The following PHACTR2 variants were observed in gnomAD, a reference collection of about 807,000 sequenced individuals.
PHACTR2 encodes phosphatase and actin regulator 2, also known as chromosome 6 open reading frame 56.
In PHACTR2, 30 loss-of-function variants were observed where a neutral mutation model predicts 76.0. That is an observed-to-expected ratio of 0.39 (90% confidence interval 0.30 to 0.54). The LOEUF is 0.54. Among genes scored for constraint, PHACTR2 ranks in the 20% least tolerant of loss-of-function variants. PHACTR2 has a pLI of 0.61. For missense variants in PHACTR2, 696 were observed against 781.1 expected (o/e 0.89, Z 1.30); for synonymous variants, 292 against 292.5 (o/e 1.00, Z 0.02).
intron 11 of PHACTR2, among the ~76,000 whole-genome samples, chr6:143,792,391 G>T (rs1314371016): frequency 1.3e-5 from 2 of 151,994 alleles, no homozygotes; most frequent in Non-Finnish European, 2.9e-5. Context: ...TGAACTTGGT[G>T]CAAGGTTTCT....
At position 143,751,897 on chromosome 6, in the gene PHACTR2, A is replaced by C. The variant is rs191122352; in HGVS notation, c.296-1857A>C. 6.6e-6 allele frequency among the ~76,000 whole-genome samples: 1 copy of C among 152,122 alleles called. No individual in the cohort carries two copies. The highest frequency in any genetic ancestry group is 2.4e-5 in the African/African-American group (1 of 41,430). On this transcript the variant is annotated intron_variant, in intron 3 of 12. Coordinates refer to ENST00000440869, the MANE Select transcript of PHACTR2 (RefSeq NM_001100164.2). This position sits in a 1 kb window ranked among gnomAD's most constrained non-coding sequence, Gnocchi z 5.7. ...CACTCAATACTAGAAAGCCTTTTCA[A>C]TATACACACCAGCTAATTAATAACT...
rs2128457496 is a variant in PHACTR2, at chr6:143,697,223, G to A, written c.47-14793G>A. On this transcript the variant is annotated intron_variant, in intron 1 of 12. Transcript: ENST00000440869. This position sits in a 1 kb window ranked among gnomAD's most constrained non-coding sequence, Gnocchi z 4.4. Reference sequence around the variant, plus strand: ...TCGTGTGTGATGCCTAAAGAGAATGGAAAAAACAAAAGCAGTTTGGATTTA... The same window carrying A: ...TCGTGTGTGATGCCTAAAGAGAATGAAAAAAACAAAAGCAGTTTGGATTTA... 6.6e-6 allele frequency among the ~76,000 whole-genome samples: 1 copy of A among 152,188 alleles called. No individual in the cohort carries two copies. The highest frequency in any genetic ancestry group is 1.9e-4 in the East Asian group (1 of 5,178).
chr6:143,593,941 G>T (rs1386473860), intron 1 of PHACTR2, among the ~76,000 whole-genome samples: 1 of 152,212 alleles, frequency 6.6e-6, no homozygotes, highest in East Asian at 1.9e-4. Flanking sequence ...TACTGTGGAT[G>T]TAAGGCTGTA....
rs1280992474 is a variant in PHACTR2 at position 143,771,206 on chromosome 6, A to ATG, written c.1233-1051_1233-1050insGT. On this transcript the variant is annotated intron_variant, in intron 6 of 12. Transcript: ENST00000440869. ...TATATATATGTGTGTATATATATAT[A>ATG]TATATATATATATATATATATATAT... Among the ~76,000 whole-genome samples the ATG allele has an allele frequency of 4.5e-4, 35 of 77,126 alleles. No individual in the cohort carries two copies. The East Asian group carries it at 0.012, about 26-fold the overall frequency. 50.6% of individuals were successfully genotyped at this position (77,126 alleles called of 152,430 possible).
intron 1 of PHACTR2, among the ~76,000 whole-genome samples, chr6:143,668,458 C>T (rs1304048087): frequency 2.0e-5 from 3 of 152,158 alleles, no homozygotes; most frequent in South Asian, 2.1e-4. Flanking sequence ...GGTACCAGCT[C>T]CTCTCTGTAC....
At position 143,826,080 on chromosome 6, in the gene PHACTR2, G is replaced by A. The variant is rs922207666; in HGVS notation, c.*2391G>A. 6.6e-6 allele frequency: 1 copy of A among 151,940 alleles called. No individual in the cohort carries two copies. Among genetic ancestry groups the A allele is most frequent in the Non-Finnish European group, 1.5e-5 (1 of 67,996 alleles). The allele number at this position is 151,940 out of a possible 1,614,324, so 9.4% of individuals were successfully genotyped here. A position where few individuals can be genotyped will look rare whatever the true frequency, so the allele number is the denominator to read the frequency against. ...TAAAAAAAAAAAAAAATTAGCCACT[G>A]CTAGTCTACTGTTTAGGTAATCGGA... On this transcript the variant is annotated 3_prime_UTR_variant, in exon 13 of 13. Transcript: ENST00000440869.
rs968029543 is a variant in PHACTR2, at chr6:143,583,361, A to G, written c.217+46154A>G. Among the ~76,000 whole-genome samples the G allele has an allele frequency of 5.9e-5, 9 of 152,376 alleles. No homozygotes were observed. The highest frequency in any genetic ancestry group is 2.2e-4 in the African/African-American group (9 of 41,580). On this transcript the variant is annotated intron_variant, in intron 1 of 11. Transcript: ENST00000367584. This position sits in a 1 kb window ranked among gnomAD's most constrained non-coding sequence, Gnocchi z 4.0. ...CAGATTGTTGCCCAGAACCGTTTAC[A>G]ATGACAATATGATCCCTTTCTCACT...
chr6:143,668,244 A>G (rs1401711298), intron 1 of PHACTR2, among the ~76,000 whole-genome samples: 1 of 152,156 alleles, frequency 6.6e-6, no homozygotes, highest in Admixed American at 6.5e-5. Flanking sequence ...CGTTGTGGAT[A>G]AGATTTTTGA....
upstream of PHACTR2, among the ~76,000 whole-genome samples, chr6:143,674,061 G>A (rs1777200470): frequency 6.6e-6 from 1 of 152,194 alleles, no homozygotes. This position sits in a 1 kb window ranked among gnomAD's most constrained non-coding sequence, Gnocchi z 4.9. Context: ...TCCTTTATCT[G>A]TTAGCATTAT....
At chr6:143,643,255 G>T (rs12196139) in intron 1 of PHACTR2, among the ~76,000 whole-genome samples, 42,846 of 151,924 alleles carry the variant, frequency 0.28, 6,084 homozygotes, top group Middle Eastern at 0.38. Flanking sequence ...CTTCAGAAGT[G>T]TTTTGATATA....
chr6:143,680,304 C>G lies in PHACTR2; in HGVS notation c.46+2095C>G, dbSNP rs986457421. Among the ~76,000 whole-genome samples, 1 of 152,106 alleles carries G rather than the reference C, an allele frequency of 6.6e-6. No individual in the cohort carries two copies. The highest frequency in any genetic ancestry group is 6.5e-5 in the Admixed American group (1 of 15,278). ...CTGGCTTTACAGATGGCGTGAAGAT[C>G]CTTGTTCTGTTTGATCTTAGCCATT... On this transcript the variant is annotated intron_variant, in intron 1 of 12. Coordinates refer to ENST00000440869, the MANE Select transcript of PHACTR2 (RefSeq NM_001100164.2). The surrounding 1 kb of genome is among the most constrained non-coding windows in gnomAD (Gnocchi z 4.5).
chr6:143,598,201 T>C lies in PHACTR2; in HGVS notation c.217+60994T>C, dbSNP rs1436061767. On this transcript the variant is annotated intron_variant, in intron 1 of 11. Transcript: ENST00000367584. This position sits in a 1 kb window ranked among gnomAD's most constrained non-coding sequence, Gnocchi z 4.1. ...GACGTTAAGGATGTTGACTTAATGA[T>C]CCTGGGCGAAATGATCCTACATTAT... 2.0e-5 allele frequency among the ~76,000 whole-genome samples: 3 copies of C among 152,094 alleles called. No homozygotes were observed. The highest frequency in any genetic ancestry group is 7.2e-5 in the African/African-American group (3 of 41,380).
In PHACTR2 at chr6:143,688,161, A is replaced by G. The variant is rs77168245; in HGVS notation, c.46+9952A>G. ...AAGGCAATACTGAAAGCCACAGGCA[A>G]TGGGAACCACTGACGCTTTTTTTTT... On this transcript the variant is annotated intron_variant, in intron 1 of 12. Coordinates refer to ENST00000440869, the MANE Select transcript of PHACTR2 (RefSeq NM_001100164.2). This position sits in a 1 kb window ranked among gnomAD's most constrained non-coding sequence, Gnocchi z 5.2. Among the ~76,000 whole-genome samples the G allele has an allele frequency of 2.3e-3, 340 of 144,842 alleles. 1 individual carries two copies. The East Asian group carries it at 0.034, about 14-fold the overall frequency.
chr6:143,679,941 C>T lies in PHACTR2; in HGVS notation c.46+1732C>T, dbSNP rs7760733. On this transcript the variant is annotated intron_variant, in intron 1 of 12. Transcript: ENST00000440869. This position sits in a 1 kb window ranked among gnomAD's most constrained non-coding sequence, Gnocchi z 4.6. ...CTTAAATTGCAGGTCCTCAGTTTTG[C>T]GGATTAAAAGTTTGTATGAATTGAA... Among the ~76,000 whole-genome samples, 50,169 of 151,832 alleles carry T rather than the reference C, an allele frequency of 0.33. 8,516 individuals carry two copies. Among genetic ancestry groups the T allele is most frequent in the African/African-American group, 0.42 (17,318 of 41,368 alleles).
At chr6:143,778,549 T>C (rs1775340972) in intron 9 of PHACTR2, among the ~76,000 whole-genome samples, 1 of 151,936 alleles carries the variant, frequency 6.6e-6, no homozygotes, top group Admixed American at 6.6e-5. Flanking sequence ...AAGAGCCAAT[T>C]TGGAGGAGGA....
intron 1 of PHACTR2, among the ~76,000 whole-genome samples, chr6:143,690,002 A>G (rs1777605225): frequency 6.6e-6 from 1 of 152,168 alleles, no homozygotes; most frequent in Non-Finnish European, 1.5e-5. Flanking sequence ...CAGCCCCAAC[A>G]TTCTTATATT....
chr6:143,806,840 C>T lies in PHACTR2; in HGVS notation c.1846-217C>T, dbSNP rs540389817. On this transcript the variant is annotated intron_variant, in intron 11 of 12. Coordinates refer to ENST00000440869, the MANE Select transcript of PHACTR2 (RefSeq NM_001100164.2). The surrounding 1 kb of genome is among the most constrained non-coding windows in gnomAD (Gnocchi z 5.8). ...AGCATGGTGGCGCACACCTGTAATC[C>T]GAGCTACTGGGAATGCTGAGTTGGG... Among the ~76,000 whole-genome samples, 64 of 151,854 alleles carry T rather than the reference C, an allele frequency of 4.2e-4. No homozygotes were observed. Among genetic ancestry groups the T allele is most frequent in the African/African-American group, 1.3e-3 (54 of 41,398 alleles).
rs1345077816 is a variant in PHACTR2, at chr6:143,787,566, A to C, written c.1708-1207A>C. Among the ~76,000 whole-genome samples, 3 of 152,190 alleles carry C rather than the reference A, an allele frequency of 2.0e-5. No homozygotes were observed. The highest frequency in any genetic ancestry group is 4.4e-5 in the Non-Finnish European group (3 of 68,038). On this transcript the variant is annotated intron_variant, in intron 10 of 12. Coordinates refer to ENST00000440869, the MANE Select transcript of PHACTR2 (RefSeq NM_001100164.2). The surrounding 1 kb of genome is among the most constrained non-coding windows in gnomAD (Gnocchi z 4.6). ...ATTGGCTTAGTTCAGAAGGAAACTG[A>C]GGCCCAGGAAAGGGCTGTTAATGAC...
At position 143,772,546 on chromosome 6, in the gene PHACTR2, C is replaced by A; in HGVS notation, c.1432+89C>A. 1 of 881,342 alleles carries A rather than the reference C, an allele frequency of 1.1e-6. No homozygotes were observed. Among genetic ancestry groups the A allele is most frequent in the Non-Finnish European group, 1.8e-6 (1 of 552,502 alleles). 54.6% of individuals were successfully genotyped at this position (881,342 alleles called of 1,614,324 possible). ...AAAGAATAAAAGCCTCATTAGGAACCAGACATCTGATGTTTTCTTTCCCCT... is the reference window on the plus strand; with the variant it reads ...AAAGAATAAAAGCCTCATTAGGAACAAGACATCTGATGTTTTCTTTCCCCT... On this transcript the variant is annotated intron_variant, in intron 7 of 12. Coordinates refer to ENST00000440869, the MANE Select transcript of PHACTR2 (RefSeq NM_001100164.2). This position sits in a 1 kb window ranked among gnomAD's most constrained non-coding sequence, Gnocchi z 5.4.
Sources: gnomAD v4.1 joint callset for allele counts (sites outside exome capture counted in the v4.1 genomes callset) on GRCh38, gnomAD v4.1.1 for gene constraint, Gnocchi (gnomAD v3.1) non-coding constraint, MANE v1.5 for transcripts, NCBI Gene and HGNC (gene_info 2026-07-23, HGNC 2026-07-21) for gene names.